The following NUDT2 variants were observed in gnomAD, a reference collection of about 807,000 sequenced individuals.
NUDT2 encodes the protein bis(5'-nucleosyl)-tetraphosphatase [asymmetrical].
NUDT2 carries 12 observed loss-of-function variants against 14.2 expected under a neutral mutation model. The ratio of observed to expected loss-of-function variants is 0.84; its 90% CI spans 0.54 to 1.37. NUDT2 has a LOEUF of 1.37. NUDT2 is among the 40% of genes most tolerant of loss of function. The probability of loss-of-function intolerance (pLI) is 0.00; values close to 1 mark genes in which losing one functional copy is unlikely to be tolerated. For missense variants in NUDT2, 167 were observed against 176.7 expected, an observed-to-expected ratio of 0.95 and a Z score of 0.31; for synonymous variants, 67 against 67.4, an observed-to-expected ratio of 0.99 and a Z score of 0.03.
At chr9:34,333,810 A>G (rs908714693) in intron 1 of NUDT2, among the ~76,000 whole-genome samples, 2 of 152,148 alleles carry the variant, frequency 1.3e-5, no homozygotes, top group African/African-American at 4.8e-5. Flanking sequence ...TTGGAGTTAG[A>G]CTTACTTGGA....
intron 1 of NUDT2, among the ~76,000 whole-genome samples, chr9:34,333,257 C>T (rs931621211): frequency 3.3e-5 from 5 of 152,080 alleles, no homozygotes; most frequent in African/African-American, 1.2e-4. Flanking sequence ...ACGGCCCTCT[C>T]CCCCCAACTA....
At chr9:34,341,335 G>A (rs767242761) in intron 4 of NUDT2, among the ~76,000 whole-genome samples, 8 of 152,176 alleles carry the variant, frequency 5.3e-5, no homozygotes, top group Non-Finnish European at 1.0e-4. Context: ...CACCTCTGAG[G>A]GGAGGTAGGA....
At chr9:34,342,729 C>G (rs1384084750) in intron 4 of NUDT2, among the ~76,000 whole-genome samples, 3 of 152,042 alleles carry the variant, frequency 2.0e-5, no homozygotes, top group Admixed American at 1.3e-4. Context: ...AGAAAAGTCA[C>G]TGAATGGCTG....
In NUDT2 at chr9:34,331,382, G is replaced by A. The variant is rs748594645; in HGVS notation, c.-265+1783G>A. On this transcript the variant is annotated intron_variant, in intron 1 of 4. Coordinates refer to ENST00000379158, the MANE Select transcript of NUDT2 (RefSeq NM_001161.5). The stretch of plus-strand genomic sequence containing the variant: ...TCCACAACAACCATGCAAAGTAGGT[G>A]TTAACTTCATTTTACAAATGAGGAA... Among the ~76,000 whole-genome samples the A allele has an allele frequency of 2.0e-5, 3 of 152,336 alleles. No individual in the cohort carries two copies. The South Asian group carries it at 6.2e-4, about 32-fold the overall frequency.
intron 2 of NUDT2, among the ~76,000 whole-genome samples, 199 bp from the exon 3 acceptor site, chr9:34,338,514 A>G (rs1282240022): frequency 6.7e-6 from 1 of 149,748 alleles, no homozygotes; most frequent in African/African-American, 2.5e-5. Flanking sequence ...TCTCAAAAAA[A>G]AAAAAAAACT....
intron 2 of NUDT2, 102 bp downstream of exon 2, chr9:34,336,443 C>T (rs1310842937): frequency 2.6e-5 from 4 of 152,176 alleles, no homozygotes; most frequent in Non-Finnish European, 5.9e-5. Context: ...TAAACTCAAA[C>T]AGGGATTTCA....
At chr9:34,329,958 C>T (rs1352759782) in intron 1 of NUDT2, among the ~76,000 whole-genome samples, 1 of 152,234 alleles carries the variant, frequency 6.6e-6, no homozygotes, top group African/African-American at 2.4e-5. Context: ...CTTGTTGCTA[C>T]CCATTAAACC....
chr9:34,338,321 T>C (rs1338061940), intron 2 of NUDT2, among the ~76,000 whole-genome samples: 12 of 53,146 alleles, frequency 2.3e-4, no homozygotes, highest in Non-Finnish European at 4.5e-4. Context: ...AGTGAGACCC[T>C]GTCTCTAAAA....
chr9:34,331,528 A>G (rs2131851105), intron 1 of NUDT2, among the ~76,000 whole-genome samples: 1 of 152,338 alleles, frequency 6.6e-6, no homozygotes, highest in Middle Eastern at 3.4e-3. Context: ...TGCTTGGAAT[A>G]CCAGACAGAT....
At chr9:34,342,191 G>C (rs1820207707) in intron 4 of NUDT2, among the ~76,000 whole-genome samples, 1 of 152,188 alleles carries the variant, frequency 6.6e-6, no homozygotes, top group South Asian at 2.1e-4. Context: ...CCCATCAAGA[G>C]TTTCCCTATG....
At position 34,338,741 on chromosome 9, in the gene NUDT2, C is replaced by T. The variant is rs1159602334; in HGVS notation, c.-123C>T. 3 of 209,634 alleles carry T rather than the reference C, an allele frequency of 1.4e-5. No homozygotes were observed. The highest frequency in any genetic ancestry group is 9.6e-6 in the Non-Finnish European group (1 of 104,150). The allele number at this position is 209,634 out of a possible 1,614,324, so 13.0% of individuals were successfully genotyped here. A position where few individuals can be genotyped will look rare whatever the true frequency, so the allele number is the denominator to read the frequency against. On this transcript the variant is annotated 5_prime_UTR_variant, in exon 3 of 5. Transcript: ENST00000379158. ...GTTTGCTTCTGAGGATCTCCAGTGT[C>T]ACAACAAACACATGCCAGCCCTGTT...
chr9:34,332,070 A>G (rs748684664), intron 1 of NUDT2, among the ~76,000 whole-genome samples: 7 of 152,230 alleles, frequency 4.6e-5, no homozygotes, highest in Non-Finnish European at 1.0e-4. Context: ...CTCTGCCTCC[A>G]ATCTGTCCTA....
chr9:34,339,247 T>C (rs1205213648), intron 4 of NUDT2, 81 bp downstream of exon 4: 25 of 1,537,558 alleles, frequency 1.6e-5, no homozygotes, highest in Non-Finnish European at 2.2e-5. Context: ...CCCCAAGGCT[T>C]AATTCCCAGT....
intron 2 of NUDT2, among the ~76,000 whole-genome samples, chr9:34,338,133 CAA>C (rs1838136954): frequency 1.1e-5 from 1 of 88,822 alleles, no homozygotes; most frequent in Non-Finnish European, 2.1e-5. Context: ...CCAGTCTAGG[CAA>C]CATAGTAAGT....
At chr9:34,342,429 G>GA in intron 4 of NUDT2, among the ~76,000 whole-genome samples, 1 of 152,208 alleles carries the variant, frequency 6.6e-6, no homozygotes, top group Non-Finnish European at 1.5e-5. Context: ...CCCCTCCTTG[G>GA]AAAAATCACT....
chr9:34,339,052 G>A lies in NUDT2; in HGVS notation c.13G>A (p.Ala5Thr), dbSNP rs1347962374. ...TTAGGATAAGACCATGGCCTTGAGAGCATGTGGCTTGATCATCTTCCGAAG... is the reference window on the plus strand; with the variant it reads ...TTAGGATAAGACCATGGCCTTGAGAACATGTGGCTTGATCATCTTCCGAAG... MALR[A>T]CGLIIFRRCL... The change falls in exon 4 of 5, where the codon GCA becomes ACA. Residue 5 changes from alanine to threonine, a missense_variant. Coordinates refer to ENST00000379158, the MANE Select transcript of NUDT2 (RefSeq NM_001161.5). The A allele has an allele frequency of 6.2e-7, 1 of 1,613,730 alleles. No homozygotes were observed. The highest frequency in any genetic ancestry group is 8.5e-7 in the Non-Finnish European group (1 of 1,179,688).
chr9:34,343,456 G>A lies in NUDT2; in HGVS notation c.*16G>A. The A allele has an allele frequency of 1.3e-6, 2 of 1,546,328 alleles. No individual in the cohort carries two copies. The highest frequency in any genetic ancestry group is 1.7e-6 in the Non-Finnish European group (2 of 1,145,388). On this transcript the variant is annotated 3_prime_UTR_variant, in exon 5 of 5. Coordinates refer to ENST00000379158, the MANE Select transcript of NUDT2 (RefSeq NM_001161.5). The stretch of plus-strand genomic sequence containing the variant: ...AGAGGCCTGAGCTGACTGGAGCAGA[G>A]TCATTTGCTTCAGCAGGATCCTTGT...
chr9:34,343,312 C>A lies in NUDT2; in HGVS notation c.316C>A (p.Arg106Ser). Reference protein sequence around the residue: ...AEVKDYDVEIRLSHEHQAYRW... With the variant: ...AEVKDYDVEISLSHEHQAYRW... The stretch of plus-strand genomic sequence containing the variant: ...GGTGAAGGACTATGACGTGGAGATC[C>A]GCCTCTCCCATGAGCACCAAGCCTA... The change falls in exon 5 of 5, where the codon CGC (arginine) becomes AGC (serine). Residue 106 changes from arginine (R) to serine (S), a missense_variant. Coordinates refer to ENST00000379158, the MANE Select transcript of NUDT2 (RefSeq NM_001161.5). 6.2e-7 allele frequency: 1 copy of A among 1,611,764 alleles called. No individual in the cohort carries two copies. The highest frequency in any genetic ancestry group is 8.5e-7 in the Non-Finnish European group (1 of 1,179,446).
chr9:34,335,827 C>T (rs1838075041), intron 1 of NUDT2, among the ~76,000 whole-genome samples: 1 of 152,162 alleles, frequency 6.6e-6, no homozygotes, highest in Non-Finnish European at 1.5e-5. Flanking sequence ...ACACCCTTGT[C>T]ACTACCCTAA....
Sources: gnomAD v4.1 joint callset for allele counts (sites outside exome capture counted in the v4.1 genomes callset) on GRCh38, gnomAD v4.1.1 for gene constraint, MANE v1.5 for transcripts, NCBI Gene and HGNC (gene_info 2026-07-23, HGNC 2026-07-21) for gene names.